The following XRCC4 variants were observed in gnomAD, a reference collection of about 807,000 sequenced individuals.
XRCC4 encodes the protein DNA repair protein XRCC4.
Under a neutral mutation model 39.1 loss-of-function variants are expected in XRCC4, and 28 were observed. The observed-to-expected ratio is 0.72, with a 90% CI of 0.53 to 0.98. The LOEUF is 0.98. Among genes scored for constraint, XRCC4 ranks in the 50% least tolerant of loss-of-function variants. The pLI is 0.00. For synonymous variants in XRCC4, 123 were observed against 126.4 expected, an observed-to-expected ratio of 0.97 and a Z score of 0.18; for missense variants, 350 against 376.4, an observed-to-expected ratio of 0.93 and a Z score of 0.58.
At chr5:83,227,638 A>C (rs2112806477) in intron 6 of XRCC4, among the ~76,000 whole-genome samples, 1 of 152,172 alleles carries the variant, frequency 6.6e-6, no homozygotes. Context: ...AGTAACTAAC[A>C]CTCAATTATA....
intron 3 of XRCC4, among the ~76,000 whole-genome samples, chr5:83,127,137 G>A (rs1456343043): frequency 6.6e-6 from 1 of 151,944 alleles, no homozygotes; most frequent in Non-Finnish European, 1.5e-5. Context: ...AGACTTTTGG[G>A]GCTACTGGGA....
chr5:83,174,646 C>G (rs552637143), intron 3 of XRCC4, among the ~76,000 whole-genome samples: 1 of 152,250 alleles, frequency 6.6e-6, no homozygotes, highest in East Asian at 1.9e-4. Flanking sequence ...CAGTTGATTT[C>G]TTTTGGACTT....
intron 7 of XRCC4, among the ~76,000 whole-genome samples, chr5:83,349,410 CTTT>C (rs1757014826): frequency 6.6e-6 from 1 of 152,086 alleles, no homozygotes; most frequent in Non-Finnish European, 1.5e-5. Context: ...AATAATAAAA[CTTT>C]TTTAAGAGTT....
At chr5:83,310,957 C>T (rs946259456) in intron 7 of XRCC4, 3 of 418,934 alleles carry the variant, frequency 7.2e-6, no homozygotes, top group South Asian at 3.5e-5. Flanking sequence ...TCCCTTCGAG[C>T]CTCCGGAGGG....
intron 4 of XRCC4, among the ~76,000 whole-genome samples, chr5:83,199,953 G>T (rs1271137647): frequency 6.6e-6 from 1 of 151,932 alleles, no homozygotes; most frequent in Non-Finnish European, 1.5e-5. Context: ...TTGATCCTTG[G>T]ACTAGTGTGG....
intron 7 of XRCC4, among the ~76,000 whole-genome samples, chr5:83,263,206 G>A (rs1157731741): frequency 1.3e-5 from 2 of 150,886 alleles, no homozygotes; most frequent in Admixed American, 6.6e-5. Flanking sequence ...AGTATTCCAT[G>A]GTGTATATGT....
At chr5:83,370,409 C>T in the XRCC4 span, among the ~76,000 whole-genome samples, 3 of 152,110 alleles carry the variant, frequency 2.0e-5, no homozygotes, top group African/African-American at 7.2e-5. Flanking sequence ...CATTGTGGCT[C>T]AATCAGACAT....
chr5:83,306,684 A>T lies in XRCC4; in HGVS notation c.894-46447A>T, dbSNP rs142236684. On this transcript the variant is annotated intron_variant, in intron 7 of 7. Transcript: ENST00000396027. The stretch of plus-strand genomic sequence containing the variant: ...AATACATAGCATTGATGAAGAGTGG[A>T]TGATGTGAGCAGAGCCACACAAGCA... Among the ~76,000 whole-genome samples, 102 of 152,334 alleles carry T rather than the reference A, an allele frequency of 6.7e-4. 1 individual carries two copies. Among genetic ancestry groups the T allele is most frequent in the Non-Finnish European group, 1.1e-3 (78 of 68,034 alleles).
chr5:83,280,634 A>C, intron 7 of XRCC4: 1 of 348,598 alleles, frequency 2.9e-6, no homozygotes, highest in Non-Finnish European at 5.5e-6. Flanking sequence ...TGACCAGTCC[A>C]AGCTACCATG....
chr5:83,340,207 A>C (rs1161502142), intron 7 of XRCC4, among the ~76,000 whole-genome samples: 1 of 152,112 alleles, frequency 6.6e-6, no homozygotes, highest in African/African-American at 2.4e-5. Context: ...AGTTTTCCTG[A>C]AATCTATTTA....
At chr5:83,166,637 T>A (rs2112604173) in intron 3 of XRCC4, among the ~76,000 whole-genome samples, 1 of 151,268 alleles carries the variant, frequency 6.6e-6, no homozygotes, top group South Asian at 2.1e-4. Flanking sequence ...CTAATTTTTT[T>A]TTTTTTTTTT....
intron 7 of XRCC4, among the ~76,000 whole-genome samples, chr5:83,329,284 A>C (rs984240218): frequency 6.6e-6 from 1 of 152,142 alleles, no homozygotes; most frequent in Non-Finnish European, 1.5e-5. Flanking sequence ...AAAATGTATA[A>C]ATTTGACCAC....
chr5:83,295,968 A>C (rs2112987997), intron 7 of XRCC4, among the ~76,000 whole-genome samples: 1 of 152,220 alleles, frequency 6.6e-6, no homozygotes, highest in East Asian at 1.9e-4. Context: ...TTAGAGGACC[A>C]GTTAGGAGGC....
intron 6 of XRCC4, among the ~76,000 whole-genome samples, chr5:83,240,143 C>T (rs7724780): frequency 0.043 from 6,579 of 152,112 alleles, 449 homozygotes; most frequent in African/African-American, 0.15. Flanking sequence ...CACTCCACTT[C>T]GGGCTGTGTG....
chr5:83,139,176 G>A (rs1232293089), intron 3 of XRCC4, among the ~76,000 whole-genome samples: 2 of 152,152 alleles, frequency 1.3e-5, no homozygotes, highest in Middle Eastern at 3.4e-3. Flanking sequence ...TACAGTTTGT[G>A]GAAGTTCGTT....
chr5:83,269,486 C>A (rs996078903), intron 7 of XRCC4, among the ~76,000 whole-genome samples: 17 of 150,608 alleles, frequency 1.1e-4, no homozygotes, highest in South Asian at 6.3e-4. Context: ...GCACAAATAA[C>A]AAAGAAAAAA....
At chr5:83,344,198 T>C (rs1288065763) in intron 7 of XRCC4, among the ~76,000 whole-genome samples, 1 of 151,374 alleles carries the variant, frequency 6.6e-6, no homozygotes, top group African/African-American at 2.4e-5. Context: ...TAGTTTTGCA[T>C]GGTTTTGAAA....
rs1478481 is a variant in XRCC4, at chr5:83,111,286, A to G, written c.315+83A>G. ...TTATATTTAAATTTAAGTGACTACT[A>G]TATTATTCCCAGAACACCTCAGAAG... On this transcript the variant is annotated intron_variant, in intron 3 of 7. Coordinates refer to ENST00000396027, the MANE Select transcript of XRCC4 (RefSeq NM_003401.5). 441,742 of 1,170,160 alleles carry G rather than the reference A, an allele frequency of 0.38. 89,593 individuals are homozygous for G. The highest frequency in any genetic ancestry group is 0.41 in the Non-Finnish European group (358,273 of 866,056). 72.5% of individuals were successfully genotyped at this position (1,170,160 alleles called of 1,614,324 possible).
chr5:83,267,527 C>T (rs28360247), intron 7 of XRCC4, among the ~76,000 whole-genome samples: 2,416 of 152,184 alleles, frequency 0.016, 63 homozygotes, highest in African/African-American at 0.054. Flanking sequence ...GCCCATAAAA[C>T]GATTGGGCAT....
Sources: allele counts gnomAD v4.1 joint callset (sites outside exome capture counted in the v4.1 genomes callset), GRCh38; gene constraint gnomAD v4.1.1; transcripts MANE v1.5; gene names NCBI Gene and HGNC (gene_info 2026-07-23, HGNC 2026-07-21).